APMAP: variants seen among roughly 807,000 people sequenced by gnomAD.
APMAP encodes adipocyte plasma membrane associated protein.
APMAP carries 33 observed loss-of-function variants against 43.6 expected under a neutral mutation model. That is an observed-to-expected ratio of 0.76 (90% CI 0.57 to 1.01). APMAP has a LOEUF of 1.01. APMAP is among the 50% of genes least tolerant of loss of function. The pLI is 0.00. For missense variants in APMAP, 498 were observed against 540.7 expected (o/e 0.92, Z 0.78); for synonymous variants, 224 against 216.7 (o/e 1.03, Z -0.30).
At chr20:24,984,242 G>A (rs892740854) in intron 1 of APMAP, among the ~76,000 whole-genome samples, 1 of 152,254 alleles carries the variant, frequency 6.6e-6, no homozygotes, top group South Asian at 2.1e-4. Context: ...CTTCCCCTGT[G>A]TGGGATACGT....
chr20:24,979,955 C>G (rs1404217278), intron 2 of APMAP, among the ~76,000 whole-genome samples: 1 of 152,178 alleles, frequency 6.6e-6, no homozygotes, highest in Non-Finnish European at 1.5e-5. Flanking sequence ...CCCACTCTGA[C>G]CACCCAACTA....
chr20:24,963,614 C>T lies in APMAP; in HGVS notation c.*199G>A, dbSNP rs901659075. The T allele has an allele frequency of 2.0e-5, 12 of 603,302 alleles. No homozygotes were observed. The Admixed American group carries it at 3.6e-4, about 18-fold the overall frequency. The allele number at this position is 603,302 out of a possible 1,614,324, so 37.4% of individuals were successfully genotyped here. On this transcript the variant is annotated 3_prime_UTR_variant, in exon 9 of 9. Transcript: ENST00000217456. The stretch of plus-strand genomic sequence containing the variant: ...CTCATGGCAGATATGTTACACTTCC[C>T]TCTAAACAGAAAGACAAGCCCAGGT...
At position 24,970,293 on chromosome 20, in the gene APMAP, G is replaced by A; in HGVS notation, c.617C>T (p.Thr206Ile). The A allele has an allele frequency of 1.9e-6, 3 of 1,614,064 alleles. 1 individual carries two copies. Among genetic ancestry groups the A allele is most frequent in the East Asian group, 2.2e-5 (1 of 44,870 alleles). The change falls in exon 6 of 9, where the codon ACT (threonine) becomes ATT (isoleucine). Residue 206 changes from threonine to isoleucine, a missense_variant. Coordinates refer to ENST00000217456, the MANE Select transcript of APMAP (RefSeq NM_020531.3). ...NMSFVNDLTV[T>I]QDGRKIYFTD... ...GAAATAAATCTTCCTCCCATCCTGA[G>A]TGACTGTAAGATCATTCACAAAGGA... is the stretch of plus-strand genomic sequence containing the variant.
chr20:24,988,567 C>T (rs1453240079), intron 1 of APMAP, among the ~76,000 whole-genome samples: 1 of 152,228 alleles, frequency 6.6e-6, no homozygotes, highest in Non-Finnish European at 1.5e-5. Context: ...TTAGAGGCCA[C>T]TCAGTCTACT....
Position 24,971,545 on chromosome 20 carries a change from T to G in APMAP, c.453A>C (p.Arg151Ser). 6.2e-7 allele frequency: 1 copy of G among 1,613,932 alleles called. No homozygotes were observed. Among genetic ancestry groups the G allele is most frequent in the South Asian group, 1.1e-5 (1 of 91,068 alleles). Reference protein sequence around the residue: ...KTRDDEPVCGRPLGIRAGPNG... With the variant: ...KTRDDEPVCGSPLGIRAGPNG... ...TGGGCCCTGCACGGATACCCAGGGG[T>G]CTCCCACACACAGGCTCATCATCTC... The change falls in exon 5 of 9, where the codon AGA (arginine) becomes AGC (serine). Residue 151 changes from arginine to serine, a missense_variant. Transcript: ENST00000217456.
At chr20:24,974,950 A>G (rs2088038043) in intron 3 of APMAP, among the ~76,000 whole-genome samples, 2 of 152,204 alleles carry the variant, frequency 1.3e-5, no homozygotes, top group South Asian at 4.1e-4. Flanking sequence ...ACAGATACAG[A>G]AAAAAACATC....
At chr20:24,978,736 AGG>A in intron 3 of APMAP, 29 bp downstream of exon 3, 1 of 1,033,084 alleles carries the variant, frequency 9.7e-7, no homozygotes, top group Non-Finnish European at 1.4e-6. Flanking sequence ...ACAGCCTGGA[AGG>A]CTCCCCCCCC....
intron 1 of APMAP, 94 bp from the exon 2 acceptor site, chr20:24,984,113 G>A (rs1020624329): frequency 2.3e-5 from 22 of 943,904 alleles, no homozygotes; most frequent in Non-Finnish European, 2.3e-5. Context: ...GAGCAGGGAC[G>A]CTCATCCAGT....
chr20:24,978,719 A>T, intron 3 of APMAP, 48 bp downstream of exon 3: 46 of 607,914 alleles, frequency 7.6e-5, no homozygotes, highest in Non-Finnish European at 1.3e-4. Flanking sequence ...GCCCCCTCAG[A>T]CAACAGACAG....
chr20:24,990,266 A>C (rs1471894193), intron 1 of APMAP, among the ~76,000 whole-genome samples: 1 of 152,246 alleles, frequency 6.6e-6, no homozygotes, highest in Non-Finnish European at 1.5e-5. Context: ...GAGCTTTGGC[A>C]TAAAGTCTTA....
intron 4 of APMAP, among the ~76,000 whole-genome samples, chr20:24,973,180 C>T (rs1209082715): frequency 1.3e-5 from 2 of 152,130 alleles, no homozygotes; most frequent in East Asian, 3.8e-4. Flanking sequence ...AACAGTGAGT[C>T]TTCTACTCTA....
chr20:24,973,950 G>A (rs1036860624), intron 3 of APMAP, among the ~76,000 whole-genome samples: 1 of 152,188 alleles, frequency 6.6e-6, no homozygotes, highest in African/African-American at 2.4e-5. Context: ...AGCAGCCTGT[G>A]GGCATGAACC....
intron 3 of APMAP, among the ~76,000 whole-genome samples, chr20:24,977,174 C>T (rs1254436377): frequency 1.3e-5 from 2 of 152,356 alleles, no homozygotes; most frequent in East Asian, 3.8e-4. Flanking sequence ...AAACTACAGA[C>T]TCCGAGTACT....
intron 7 of APMAP, 119 bp downstream of exon 7, chr20:24,969,407 G>T: frequency 7.0e-7 from 1 of 1,420,020 alleles, no homozygotes; most frequent in Non-Finnish European, 9.5e-7. Context: ...TCTTTAACAT[G>T]CCATGCAGAA....
At chr20:24,976,027 A>C (rs1199469129) in intron 3 of APMAP, among the ~76,000 whole-genome samples, 4 of 152,224 alleles carry the variant, frequency 2.6e-5, no homozygotes, top group African/African-American at 9.7e-5. Context: ...CCTTCACAAA[A>C]ATGGAATTCA....
In APMAP at chr20:24,964,030, G is replaced by C; in HGVS notation, c.1042-8C>G. On this transcript the variant is annotated splice_polypyrimidine_tract_variant and splice_region_variant and intron_variant, in intron 8 of 8. Coordinates refer to ENST00000217456, the MANE Select transcript of APMAP (RefSeq NM_020531.3). ...CGTCTCTTGACTAAAGAGCTAGAGG[G>C]AAGCACAGTGCAGGGAAAGTTCACC... 6.2e-7 allele frequency: 1 copy of C among 1,613,926 alleles called. No homozygotes were observed. Among genetic ancestry groups the C allele is most frequent in the East Asian group, 2.2e-5 (1 of 44,888 alleles).
At position 24,971,728 on chromosome 20, in the gene APMAP, G is replaced by A. The variant is rs113533994; in HGVS notation, c.422-152C>T. On this transcript the variant is annotated intron_variant, in intron 4 of 8. Coordinates refer to ENST00000217456, the MANE Select transcript of APMAP (RefSeq NM_020531.3). Reference sequence around the variant, plus strand: ...CATTAGAGCTACAACTGCCCTGCAGGTGCTCACTGCAGGTGCTTATTGCAA... The same window carrying A: ...CATTAGAGCTACAACTGCCCTGCAGATGCTCACTGCAGGTGCTTATTGCAA... The A allele has an allele frequency of 6.1e-3, 4,388 of 724,194 alleles. 122 individuals are homozygous for A. The African/African-American group carries it at 0.065, about 11-fold the overall frequency. The allele number at this position is 724,194 out of a possible 1,614,324, so 44.9% of individuals were successfully genotyped here.
At chr20:24,970,806 G>A (rs187137171) in intron 5 of APMAP, among the ~76,000 whole-genome samples, 89 of 152,224 alleles carry the variant, frequency 5.8e-4, no homozygotes, top group Non-Finnish European at 5.1e-4. Flanking sequence ...TTAAACCCTC[G>A]CAACAATCCC....
chr20:24,966,931 G>T (rs565670391), intron 8 of APMAP, among the ~76,000 whole-genome samples: 1 of 152,192 alleles, frequency 6.6e-6, no homozygotes, highest in African/African-American at 2.4e-5. Flanking sequence ...CTCGGAAACA[G>T]TGCTGGGAAA....
Sources: allele counts gnomAD v4.1 joint callset (sites outside exome capture counted in the v4.1 genomes callset), GRCh38; gene constraint gnomAD v4.1.1; transcripts MANE v1.5; gene names NCBI Gene and HGNC (gene_info 2026-07-23, HGNC 2026-07-21).